Variants in CDK5RAP1 observed in about 807,000 individuals in gnomAD.
The protein encoded by CDK5RAP1 is CDK5RAP1 mitochondrial tRNA methylthiotransferase.
In CDK5RAP1, 62 loss-of-function variants were observed where a neutral mutation model predicts 64.5. That is an observed-to-expected ratio of 0.96 (90% CI 0.78 to 1.19). The LOEUF (loss-of-function observed/expected upper bound fraction) is 1.19, where lower values mean the gene tolerates loss of function less well. Ranked by LOEUF, CDK5RAP1 falls within the 50% of genes most tolerant of loss-of-function variation. CDK5RAP1 has a pLI of 0.00. For synonymous variants in CDK5RAP1, 250 were observed against 261.9 expected, an observed-to-expected ratio of 0.95 and a Z score of 0.44; for missense variants, 657 against 735.0, an observed-to-expected ratio of 0.89 and a Z score of 1.23.
chr20:33,382,829 C>A (rs544563762), intron 7 of CDK5RAP1, among the ~76,000 whole-genome samples: 20 of 152,156 alleles, frequency 1.3e-4, no homozygotes, highest in African/African-American at 4.6e-4. Flanking sequence ...CATAACACTG[C>A]ACTCCAGCCT....
chr20:33,361,413 T>C (rs1982894110), intron 12 of CDK5RAP1, among the ~76,000 whole-genome samples: 1 of 152,154 alleles, frequency 6.6e-6, no homozygotes, highest in African/African-American at 2.4e-5. Flanking sequence ...CACTAACACT[T>C]GCATGTGTAG....
intron 8 of CDK5RAP1, among the ~76,000 whole-genome samples, chr20:33,376,901 T>C (rs542569634): frequency 6.6e-6 from 1 of 152,256 alleles, no homozygotes; most frequent in Admixed American, 6.5e-5. Flanking sequence ...ATTTCAACAT[T>C]CATGGATGAT....
intron 11 of CDK5RAP1, among the ~76,000 whole-genome samples, chr20:33,368,387 G>T (rs573635510): frequency 6.6e-6 from 1 of 151,122 alleles, no homozygotes; most frequent in African/African-American, 2.4e-5. Flanking sequence ...CAACCTCCCA[G>T]GCTCAAGTGA....
intron 8 of CDK5RAP1, among the ~76,000 whole-genome samples, chr20:33,377,789 T>C (rs1568700318): frequency 1.3e-5 from 2 of 152,154 alleles, no homozygotes; most frequent in Admixed American, 1.3e-4. Context: ...GCAGCTAGGA[T>C]TACAGGTCTG....
chr20:33,366,947 A>G lies in CDK5RAP1; in HGVS notation c.1454T>C (p.Leu485Ser), dbSNP rs375427750. 1.2e-6 allele frequency: 2 copies of G among 1,613,940 alleles called. No individual in the cohort carries two copies. Among genetic ancestry groups the G allele is most frequent in the Non-Finnish European group, 1.7e-6 (2 of 1,179,970 alleles). Residue 485 changes from leucine (L) to serine (S), a missense_variant, in exon 12 of 14, where the codon TTG (leucine) becomes TCG (serine). By Grantham distance (145) the Leu-to-Ser change is moderately radical. Coordinates refer to ENST00000346416, the MANE Select transcript of CDK5RAP1 (RefSeq NM_016408.4). ...DVPEEVKLRRLEELITIFREE... is the reference protein window; with the variant it reads ...DVPEEVKLRRSEELITIFREE... ...TCGGAAGATAGTGATGAGTTCCTCCAAACGCCTTAATTTTACCTCTTCCGG... is the reference window on the plus strand; with the variant it reads ...TCGGAAGATAGTGATGAGTTCCTCCGAACGCCTTAATTTTACCTCTTCCGG...
At chr20:33,396,446 G>A (rs1030107332) in intron 2 of CDK5RAP1, among the ~76,000 whole-genome samples, 2 of 152,106 alleles carry the variant, frequency 1.3e-5, no homozygotes, top group African/African-American at 4.8e-5. Flanking sequence ...GACTACAGGT[G>A]CACACTATCA....
In CDK5RAP1 at chr20:33,384,639, T is replaced by C. The variant is rs149556104; in HGVS notation, c.876+1011A>G. 9.8e-3 allele frequency among the ~76,000 whole-genome samples: 1,486 copies of C among 152,172 alleles called. 15 individuals are homozygous for C. The highest frequency in any genetic ancestry group is 0.033 in the African/African-American group (1,370 of 41,522). The stretch of plus-strand genomic sequence containing the variant: ...CAGGGAGGCCAGGCACAGTGGCTCA[T>C]GACTGTAATCCCAGCACTTTGGGAG... On this transcript the variant is annotated intron_variant, in intron 7 of 13. Transcript: ENST00000346416.
rs1481503400 is a variant in CDK5RAP1, at chr20:33,372,620, AGAAT to A, written c.1261+18_1261+21del. 2 of 1,403,592 alleles carry A rather than the reference AGAAT, an allele frequency of 1.4e-6. No homozygotes were observed. Among genetic ancestry groups the A allele is most frequent in the Non-Finnish European group, 1.9e-6 (2 of 1,041,390 alleles). 86.9% of individuals were successfully genotyped at this position (1,403,592 alleles called of 1,614,324 possible). Reference sequence around the variant, plus strand: ...TCACTGGTAGAGTAACATGCTCAGCAGAATGAGTTTCTTAAATGTACCTGGAATA... The same window carrying A: ...TCACTGGTAGAGTAACATGCTCAGCAGAGTTTCTTAAATGTACCTGGAATA... On this transcript the variant is annotated intron_variant, in intron 10 of 13. Transcript: ENST00000346416.
chr20:33,394,115 A>G, intron 3 of CDK5RAP1, 49 bp from the exon 4 acceptor site: 1 of 1,292,380 alleles, frequency 7.7e-7, no homozygotes, highest in African/African-American at 1.4e-5. Flanking sequence ...TATCTTGGAT[A>G]TTAGCCTTGT....
Position 33,370,577 on chromosome 20 carries a change from T to G in CDK5RAP1, c.1314A>C (p.Glu438Asp). The G allele has an allele frequency of 6.2e-7, 1 of 1,614,170 alleles. No individual in the cohort carries two copies. The highest frequency in any genetic ancestry group is 1.1e-5 in the South Asian group (1 of 91,082). The change falls in exon 11 of 14, where the codon GAA becomes GAC. Residue 438 changes from glutamate to aspartate, a missense_variant. Transcript: ENST00000346416. ...GCAAAGAGACTGTCTGGACGTGATC[T>G]TCCTCCGTCTCACCACAAAAGCCAG... ...FIAGFCGETE[E>D]DHVQTVSLLR...
Position 33,395,012 on chromosome 20 carries a change from C to A in CDK5RAP1, c.408+1G>T, listed in dbSNP as rs765367226. On this transcript the variant is annotated splice_donor_variant, in intron 3 of 13. Coordinates refer to ENST00000346416, the MANE Select transcript of CDK5RAP1 (RefSeq NM_016408.4). LOFTEE classifies it high-confidence loss of function. ...ACAAAGGAAATAGGAAATGCATGTA[C>A]CTCTTGGAGGTTACTGGTCCGCAGG... is the stretch of plus-strand genomic sequence containing the variant. 1.1e-5 allele frequency: 17 copies of A among 1,551,730 alleles called. No individual in the cohort carries two copies. The highest frequency in any genetic ancestry group is 1.4e-5 in the Non-Finnish European group (16 of 1,123,122).
intron 5 of CDK5RAP1, among the ~76,000 whole-genome samples, chr20:33,389,259 G>A (rs1227300660): frequency 1.3e-5 from 2 of 150,934 alleles, no homozygotes; most frequent in Admixed American, 6.6e-5. Flanking sequence ...TGTGAGGAGC[G>A]CCTCTGCCCG....
intron 11 of CDK5RAP1, 46 bp from the exon 12 acceptor site, chr20:33,367,054 T>C (rs1221469538): frequency 1.3e-6 from 2 of 1,562,560 alleles, no homozygotes; most frequent in East Asian, 4.5e-5. Context: ...CACCAAGGAC[T>C]TGTAGAATCT....
At chr20:33,372,890 G>A (rs1241111463) in intron 9 of CDK5RAP1, 193 bp from the exon 10 acceptor site, 1 of 361,212 alleles carries the variant, frequency 2.8e-6, no homozygotes, top group South Asian at 8.4e-5. Context: ...TAGAGCCTAT[G>A]AATTTTTATT....
intron 13 of CDK5RAP1, chr20:33,359,353 C>T: frequency 2.0e-6 from 1 of 493,142 alleles, no homozygotes; most frequent in Non-Finnish European, 3.6e-6. Flanking sequence ...CCACTTCTCC[C>T]TTTTCTCTTG....
chr20:33,370,399 G>T, intron 11 of CDK5RAP1, 100 bp downstream of exon 11: 1 of 1,250,250 alleles, frequency 8.0e-7, no homozygotes. Context: ...GTTTCTCAAG[G>T]ACTGCCTTGC....
At chr20:33,372,129 T>C (rs560519869) in intron 10 of CDK5RAP1, among the ~76,000 whole-genome samples, 90 of 152,202 alleles carry the variant, frequency 5.9e-4, no homozygotes, top group Non-Finnish European at 1.1e-3. Context: ...AATCTAAGTG[T>C]TATTCTCTCC....
At chr20:33,391,048 G>T (rs1489855897) in intron 5 of CDK5RAP1, among the ~76,000 whole-genome samples, 1 of 152,048 alleles carries the variant, frequency 6.6e-6, no homozygotes, top group Non-Finnish European at 1.5e-5. Flanking sequence ...CAGCCCAGAA[G>T]TTCTAGACCA....
intron 12 of CDK5RAP1, among the ~76,000 whole-genome samples, chr20:33,362,497 C>T (rs1198820559): frequency 1.3e-5 from 2 of 152,158 alleles, no homozygotes; most frequent in East Asian, 3.9e-4. Context: ...TAAAGGAAGC[C>T]TTTCAAGCAC....
Sources: gnomAD v4.1 joint callset for allele counts (sites outside exome capture counted in the v4.1 genomes callset) on GRCh38, gnomAD v4.1.1 for gene constraint, MANE v1.5 for transcripts, NCBI Gene and HGNC (gene_info 2026-07-23, HGNC 2026-07-21) for gene names.